The following CARF variants were observed in gnomAD, a reference collection of about 807,000 sequenced individuals.
CARF encodes the protein calcium responsive transcription factor.
A neutral mutation model predicts 82.0 loss-of-function variants in CARF; 57 were observed. That is an observed-to-expected ratio of 0.70 (90% CI 0.56 to 0.87). The LOEUF (loss-of-function observed/expected upper bound fraction) is 0.87, where lower values mean the gene tolerates loss of function less well. CARF is among the 40% of genes least tolerant of loss of function. CARF has a pLI of 0.00. For missense variants in CARF, 771 were observed against 855.8 expected (o/e 0.90, Z 1.24); for synonymous variants, 268 against 290.1 (o/e 0.92, Z 0.77).
chr2:202,942,593 C>A, intron 4 of CARF, 147 bp from the exon 5 acceptor site: 1 of 1,016,886 alleles, frequency 9.8e-7, no homozygotes, highest in Admixed American at 3.6e-5. Context: ...TTAAGAAATA[C>A]TTTCTGTGTA....
chr2:202,955,527 C>A, intron 7 of CARF, 147 bp from the exon 8 acceptor site: 1 of 479,154 alleles, frequency 2.1e-6, no homozygotes, highest in Non-Finnish European at 3.7e-6. Flanking sequence ...ATAACTAATG[C>A]ACCCATCAGA....
At chr2:202,976,798 C>T (rs1002882075) in intron 13 of CARF, among the ~76,000 whole-genome samples, 1 of 150,258 alleles carries the variant, frequency 6.7e-6, no homozygotes, top group Non-Finnish European at 1.5e-5. Flanking sequence ...GCAGCCACGA[C>T]CTCCAAGACT....
At chr2:202,925,479 G>A in intron 3 of CARF, 1 of 259,586 alleles carries the variant, frequency 3.9e-6, no homozygotes, top group Non-Finnish European at 7.7e-6. Flanking sequence ...CTGAAAGCAT[G>A]TACAAGGAGT....
intron 1 of CARF, among the ~76,000 whole-genome samples, chr2:202,917,434 C>T (rs1290559332): frequency 1.3e-5 from 2 of 152,052 alleles, no homozygotes; most frequent in African/African-American, 2.4e-5. Context: ...TTTCTGCTCT[C>T]TTTAATTGTA....
intron 2 of CARF, among the ~76,000 whole-genome samples, chr2:202,918,922 T>G (rs1012785139): frequency 3.3e-5 from 5 of 152,212 alleles, no homozygotes; most frequent in Non-Finnish European, 5.9e-5. Flanking sequence ...CAGAAGGCAG[T>G]AGAAAATATA....
intron 8 of CARF, among the ~76,000 whole-genome samples, chr2:202,959,272 T>G (rs1301689345): frequency 6.6e-6 from 1 of 152,146 alleles, no homozygotes; most frequent in Non-Finnish European, 1.5e-5. Flanking sequence ...TTATAAGCAT[T>G]TTCATTATTT....
intron 8 of CARF, among the ~76,000 whole-genome samples, chr2:202,959,609 A>T (rs1313621269): frequency 6.6e-6 from 1 of 152,194 alleles, no homozygotes; most frequent in African/African-American, 2.4e-5. Flanking sequence ...ACCTGAGATC[A>T]GGAGTTTGAG....
chr2:202,962,660 A>G (rs1484896466), intron 9 of CARF: 1 of 152,204 alleles, frequency 6.6e-6, no homozygotes, highest in East Asian at 1.9e-4. Flanking sequence ...TGTATCTACA[A>G]TAATACATTT....
intron 6 of CARF, 111 bp from the exon 7 acceptor site, chr2:202,953,894 T>A (rs2058891589): frequency 1.1e-6 from 1 of 872,382 alleles, no homozygotes; most frequent in Admixed American, 3.8e-5. Flanking sequence ...TTACTCTCAA[T>A]AAAGCATAAA....
chr2:202,922,756 G>A (rs984694525), intron 2 of CARF, among the ~76,000 whole-genome samples: 1 of 151,948 alleles, frequency 6.6e-6, no homozygotes, highest in African/African-American at 2.4e-5. Context: ...AGTGAGCTGA[G>A]ATTAAGATCT....
At chr2:202,930,348 C>T (rs1016083368) in intron 3 of CARF, among the ~76,000 whole-genome samples, 5 of 152,082 alleles carry the variant, frequency 3.3e-5, no homozygotes, top group East Asian at 1.9e-4. Context: ...CACCTGGCCT[C>T]GTTCAGTGTT....
Position 202,984,633 on chromosome 2 carries a change from T to A in CARF, c.*1009T>A, listed in dbSNP as rs1559294222. Reference sequence around the variant, plus strand: ...AGTATTTTAAGGTAAGTATTTATAGTTTAAAATTTAGTTTATATTTAAAAC... The same window carrying A: ...AGTATTTTAAGGTAAGTATTTATAGATTAAAATTTAGTTTATATTTAAAAC... On this transcript the variant is annotated 3_prime_UTR_variant, in exon 17 of 17. Transcript: ENST00000438828. The A allele has an allele frequency of 6.6e-6, 1 of 152,200 alleles. No homozygotes were observed. The highest frequency in any genetic ancestry group is 1.5e-5 in the Non-Finnish European group (1 of 68,022). The allele number at this position is 152,200 out of a possible 1,614,324, so 9.4% of individuals were successfully genotyped here.
At chr2:202,924,964 G>A in intron 3 of CARF, 1 of 334,288 alleles carries the variant, frequency 3.0e-6, no homozygotes, top group Non-Finnish European at 5.9e-6. Context: ...CACTGAGAAG[G>A]TACCCTTCCT....
chr2:202,930,432 C>G (rs1323290772), intron 3 of CARF, among the ~76,000 whole-genome samples: 2 of 152,060 alleles, frequency 1.3e-5, no homozygotes, highest in African/African-American at 2.4e-5. Flanking sequence ...TCCTTCTTTT[C>G]TCTCTCTGGG....
intron 8 of CARF, among the ~76,000 whole-genome samples, chr2:202,960,989 T>C (rs1475074118): frequency 2.0e-5 from 3 of 152,206 alleles, no homozygotes; most frequent in Non-Finnish European, 4.4e-5. Flanking sequence ...CTTTTCTAAA[T>C]ATTCTTTGTC....
chr2:202,972,674 T>A (rs1204718470), intron 12 of CARF, among the ~76,000 whole-genome samples: 16 of 102,988 alleles, frequency 1.6e-4, no homozygotes, highest in South Asian at 3.7e-4. Context: ...AGACTCCGTC[T>A]AAAAAAAAAA....
At chr2:202,946,522 C>T (rs748495881) in intron 5 of CARF, among the ~76,000 whole-genome samples, 13 of 152,112 alleles carry the variant, frequency 8.5e-5, no homozygotes, top group Admixed American at 1.3e-4. Flanking sequence ...AAGGCTTAAA[C>T]GTAAAACCTA....
intron 14 of CARF, 74 bp downstream of exon 14, chr2:202,977,406 C>A: frequency 8.9e-7 from 1 of 1,124,338 alleles, no homozygotes; most frequent in South Asian, 1.3e-5. Context: ...GATATTATCT[C>A]ATCTAATCAA....
chr2:202,916,819 T>C (rs951951180), intron 1 of CARF, among the ~76,000 whole-genome samples: 1 of 151,364 alleles, frequency 6.6e-6, no homozygotes, highest in Non-Finnish European at 1.5e-5. Context: ...CCAAGTATGG[T>C]CCTTGAAGGA....
Sources: allele counts gnomAD v4.1 joint callset (sites outside exome capture counted in the v4.1 genomes callset), GRCh38; gene constraint gnomAD v4.1.1; transcripts MANE v1.5; gene names NCBI Gene and HGNC (gene_info 2026-07-23, HGNC 2026-07-21).